Variants in PRR14L observed in about 807,000 individuals in gnomAD.
The protein encoded by PRR14L is protein PRR14L.
Under a neutral mutation model 155.0 loss-of-function variants are expected in PRR14L, and 80 were observed. The ratio of observed to expected loss-of-function variants is 0.52; its 90% confidence interval spans 0.43 to 0.62. The LOEUF is 0.62. Among genes scored for constraint, PRR14L ranks in the 20% least tolerant of loss-of-function variants. The pLI is 0.00. For missense variants in PRR14L, 2,469 were observed against 2,548.0 expected, an observed-to-expected ratio of 0.97 and a Z score of 0.67; for synonymous variants, 883 against 916.0, an observed-to-expected ratio of 0.96 and a Z score of 0.65.
chr22:31,709,249 TTGTTG>T (rs1420436342), intron 4 of PRR14L, among the ~76,000 whole-genome samples: 1 of 147,646 alleles, frequency 6.8e-6, no homozygotes, highest in Non-Finnish European at 1.5e-5. Flanking sequence ...GGCCTATTTG[TTGTTG>T]TTTTTTTTTT....
intron 1 of PRR14L, among the ~76,000 whole-genome samples, chr22:31,746,963 A>AT (rs1033469313): frequency 0.015 from 2,246 of 151,166 alleles, 58 homozygotes; most frequent in African/African-American, 0.053. Context: ...CGCCTGGCTA[A>AT]TTTTTTTATT....
rs771902267 is a variant in PRR14L, at chr22:31,706,428, C to CTTTTTTTTTT, written c.5757-1703_5757-1702insAAAAAAAAAA. Reference sequence around the variant, plus strand: ...TAATTCCTTTATAATTAAACTCTTCCTTTTTCTTTTTTTTGAGACGGAGTC... The same window carrying CTTTTTTTTTT: ...TAATTCCTTTATAATTAAACTCTTCCTTTTTTTTTTTTTTTCTTTTTTTTGAGACGGAGTC... On this transcript the variant is annotated intron_variant, in intron 4 of 8. Coordinates refer to ENST00000327423, the MANE Select transcript of PRR14L (RefSeq NM_173566.3). Among the ~76,000 whole-genome samples, 360 of 142,146 alleles carry CTTTTTTTTTT rather than the reference C, an allele frequency of 2.5e-3. 12 individuals are homozygous for CTTTTTTTTTT. The highest frequency in any genetic ancestry group is 8.9e-3 in the African/African-American group (322 of 36,052). The allele number at this position is 142,146 out of a possible 152,430, so 93.3% of individuals were successfully genotyped here. A position where few individuals can be genotyped will look rare whatever the true frequency, so the allele number is the denominator to read the frequency against.
chr22:31,691,819 G>A (rs1322519927), intron 7 of PRR14L, among the ~76,000 whole-genome samples: 2 of 151,726 alleles, frequency 1.3e-5, no homozygotes, highest in Non-Finnish European at 2.9e-5. Flanking sequence ...TATGAATAAT[G>A]CTGCTGTGAA....
intron 7 of PRR14L, 148 bp downstream of exon 7, chr22:31,701,508 C>G: frequency 1.8e-6 from 1 of 552,298 alleles, no homozygotes; most frequent in Non-Finnish European, 3.3e-6. Context: ...TTATAAATAT[C>G]TAGCGACATT....
rs17221119 is a variant in PRR14L at position 31,728,271 on chromosome 22, T to C, written c.475-2661A>G. On this transcript the variant is annotated intron_variant, in intron 2 of 8. Transcript: ENST00000327423. ...TGTATCAGATGCAATTTCCTTTTTC[T>C]ACAATATTTTATCAGCTAAATGTTC... Among the ~76,000 whole-genome samples the C allele has an allele frequency of 2.5e-3, 386 of 152,312 alleles. 8 individuals carry two copies. In the East Asian group the frequency reaches 0.059, roughly 23 times the overall value.
chr22:31,702,470 C>T (rs1421552821), intron 6 of PRR14L, among the ~76,000 whole-genome samples: 1 of 152,094 alleles, frequency 6.6e-6, no homozygotes, highest in Non-Finnish European at 1.5e-5. Flanking sequence ...ATCCGCCCAC[C>T]TCGGCCACCC....
chr22:31,708,704 G>T (rs1244090898), intron 4 of PRR14L, among the ~76,000 whole-genome samples: 1 of 152,066 alleles, frequency 6.6e-6, no homozygotes. Context: ...ATAGTGGCAC[G>T]ATCTCGGCTC....
intron 2 of PRR14L, among the ~76,000 whole-genome samples, chr22:31,733,896 C>T (rs958187028): frequency 2.6e-5 from 4 of 151,014 alleles, no homozygotes; most frequent in Non-Finnish European, 2.9e-5. Context: ...TATGTTTAAC[C>T]ACCACCACCA....
chr22:31,744,597 C>T (rs1019134614), intron 1 of PRR14L, among the ~76,000 whole-genome samples: 2 of 152,142 alleles, frequency 1.3e-5, no homozygotes, highest in African/African-American at 4.8e-5. Context: ...AATCCTGTTG[C>T]TTCTCAGAAA....
intron 3 of PRR14L, among the ~76,000 whole-genome samples, chr22:31,723,257 A>ATT (rs1157641584): frequency 6.6e-6 from 1 of 152,246 alleles, no homozygotes; most frequent in Non-Finnish European, 1.5e-5. Context: ...TCATTAAATA[A>ATT]GCATGATATT....
rs1055043032 is a variant in PRR14L at position 31,705,349 on chromosome 22, C to T, written c.5757-623G>A. Among the ~76,000 whole-genome samples the T allele has an allele frequency of 4.6e-5, 7 of 152,046 alleles. 1 individual carries two copies. Among genetic ancestry groups the T allele is most frequent in the Non-Finnish European group, 7.4e-5 (5 of 67,986 alleles). On this transcript the variant is annotated intron_variant, in intron 4 of 8. Transcript: ENST00000327423. ...AATAAAATCTGACAGTTTCTATAAC[C>T]TTATAAAATATTAGAGAGAAACCAA...
At chr22:31,743,976 A>G (rs951021686) in intron 1 of PRR14L, among the ~76,000 whole-genome samples, 1 of 151,344 alleles carries the variant, frequency 6.6e-6, no homozygotes, top group African/African-American at 2.4e-5. Context: ...TTTGAGAAAC[A>G]GGTATAAATA....
chr22:31,688,167 A>G lies in PRR14L; in HGVS notation c.6168T>C (p.Pro2056=). Residue 2056 remains proline (P), a synonymous_variant, in exon 8 of 9, where the codon CCT becomes CCC. Coordinates refer to ENST00000327423, the MANE Select transcript of PRR14L (RefSeq NM_173566.3). ...CTATAAGTACCTACCTGTTTGCAGG[A>G]GGAGATTTATAATTCTTGTTGGTAT... ...EIYTNKNYKS[P]PANRCLETIF... is the part of the protein sequence containing the mutation. 6.2e-7 allele frequency: 1 copy of G among 1,605,146 alleles called. No individual in the cohort carries two copies. The highest frequency in any genetic ancestry group is 8.5e-7 in the Non-Finnish European group (1 of 1,176,424).
At chr22:31,743,129 C>T (rs182617856) in intron 1 of PRR14L, among the ~76,000 whole-genome samples, 2 of 152,068 alleles carry the variant, frequency 1.3e-5, no homozygotes, top group East Asian at 1.9e-4. Flanking sequence ...GGTGACACCC[C>T]GTCTCTACTA....
chr22:31,748,584 A>T (rs1202334981), intron 1 of PRR14L, among the ~76,000 whole-genome samples: 1 of 152,188 alleles, frequency 6.6e-6, no homozygotes, highest in African/African-American at 2.4e-5. Flanking sequence ...CTCTCCTCAA[A>T]GGTATAGAGT....
At chr22:31,745,162 G>T (rs1382577893) in intron 1 of PRR14L, among the ~76,000 whole-genome samples, 1 of 152,180 alleles carries the variant, frequency 6.6e-6, no homozygotes, top group East Asian at 1.9e-4. Flanking sequence ...CGGATCACGA[G>T]GTCAGGAGAT....
intron 2 of PRR14L, among the ~76,000 whole-genome samples, chr22:31,732,984 G>T (rs183988590): frequency 1.9e-4 from 28 of 150,578 alleles, no homozygotes; most frequent in Admixed American, 1.5e-3. Flanking sequence ...TGCTAGAAGT[G>T]TATCTTTTTT....
At chr22:31,724,857 G>T (rs1201926171) in intron 3 of PRR14L, among the ~76,000 whole-genome samples, 2 of 152,100 alleles carry the variant, frequency 1.3e-5, no homozygotes, top group African/African-American at 4.8e-5. Flanking sequence ...AATAATCTCA[G>T]AACTCTATAC....
intron 1 of PRR14L, among the ~76,000 whole-genome samples, chr22:31,740,339 C>T (rs1349342135): frequency 1.3e-5 from 2 of 152,204 alleles, no homozygotes; most frequent in Admixed American, 1.3e-4. Flanking sequence ...CCTGCCTCTG[C>T]CTCCAGAGTA....
Sources: gnomAD v4.1 joint callset for allele counts (sites outside exome capture counted in the v4.1 genomes callset) on GRCh38, gnomAD v4.1.1 for gene constraint, MANE v1.5 for transcripts, NCBI Gene and HGNC (gene_info 2026-07-23, HGNC 2026-07-21) for gene names.